OPRM1: variants seen among roughly 807,000 people sequenced by gnomAD.
OPRM1 encodes opioid receptor mu 1.
OPRM1 carries 27 observed loss-of-function variants against 31.8 expected under a neutral mutation model. That is an observed-to-expected ratio of 0.85 (90% CI 0.63 to 1.17). The LOEUF is 1.17. OPRM1 is among the 50% of genes most tolerant of loss of function. The pLI, the probability that OPRM1 is intolerant of heterozygous loss-of-function variation, is 0.00. For missense variants in OPRM1, 536 were observed against 511.1 expected (o/e 1.05, Z -0.47); for synonymous variants, 196 against 189.9 (o/e 1.03, Z -0.26).
chr6:154,153,067 T>G (rs1798585326), intron 3 of OPRM1, among the ~76,000 whole-genome samples: 1 of 152,214 alleles, frequency 6.6e-6, no homozygotes. Context: ...AGAAATTTCT[T>G]GCTTTTCCCC....
At chr6:154,018,658 TCTC>T (rs1437044099) in intron 1 of OPRM1, among the ~76,000 whole-genome samples, 21 of 152,006 alleles carry the variant, frequency 1.4e-4, no homozygotes, top group African/African-American at 5.1e-4. Flanking sequence ...ACAATGTCAT[TCTC>T]CTATCCAAAC....
intron 3 of OPRM1, among the ~76,000 whole-genome samples, chr6:154,208,365 G>A (rs1777676314): frequency 6.6e-6 from 1 of 152,104 alleles, no homozygotes; most frequent in African/African-American, 2.4e-5. Context: ...ACCTTTCAAG[G>A]TTTCGCTCAG....
intron 3 of OPRM1, among the ~76,000 whole-genome samples, chr6:154,245,972 A>T (rs1288119883): frequency 6.6e-6 from 1 of 152,234 alleles, no homozygotes. Context: ...AAACTAGGCA[A>T]CTATCTTTTC....
intron 3 of OPRM1, among the ~76,000 whole-genome samples, chr6:154,152,187 G>GAA (rs1798518789): frequency 2.5e-5 from 3 of 118,282 alleles, no homozygotes; most frequent in African/African-American, 9.5e-5. Context: ...AAAAAAGAAA[G>GAA]AGAGAGAGAG....
chr6:154,107,315 A>G, intron 3 of OPRM1: 1 of 611,458 alleles, frequency 1.6e-6, no homozygotes, highest in Non-Finnish European at 2.9e-6. Flanking sequence ...AGAATTTCTT[A>G]TGCCAAAAGG....
intron 3 of OPRM1, among the ~76,000 whole-genome samples, chr6:154,145,258 T>C (rs1172192212): frequency 3.3e-5 from 5 of 151,992 alleles, no homozygotes; most frequent in Non-Finnish European, 5.9e-5. Context: ...TCAGAAATCT[T>C]AAAAGAAAAA....
In OPRM1 at chr6:154,090,163, A is replaced by T. The variant is rs370533711; in HGVS notation, c.628A>T (p.Thr210Ser). The T allele has an allele frequency of 1.2e-6, 2 of 1,611,662 alleles. No homozygotes were observed. Among genetic ancestry groups the T allele is most frequent in the Non-Finnish European group, 1.7e-6 (2 of 1,178,306 alleles). Residue 210 changes from threonine to serine, a missense_variant, in exon 2 of 4, where the codon ACA (threonine) becomes TCA (serine). Coordinates refer to ENST00000330432, the MANE Select transcript of OPRM1 (RefSeq NM_000914.5). ...TCTTCCTGTAATGTTCATGGCTACA[A>T]CAAAATACAGGCAAGGTGAGTGATG... ...IGLPVMFMAT[T>S]KYRQGSIDCT...
chr6:154,081,311 T>C (rs933430156), intron 1 of OPRM1, among the ~76,000 whole-genome samples: 1 of 152,008 alleles, frequency 6.6e-6, no homozygotes, highest in Non-Finnish European at 1.5e-5. Context: ...AGACCATCCT[T>C]GCTAACACAG....
chr6:154,091,949 T>C (rs1792350132), intron 3 of OPRM1: 1 of 986,288 alleles, frequency 1.0e-6, no homozygotes, highest in African/African-American at 1.7e-5. Flanking sequence ...CACAGAAAAT[T>C]AGCATCATGG....
chr6:154,073,289 G>A (rs907794731), intron 1 of OPRM1, among the ~76,000 whole-genome samples: 4 of 152,106 alleles, frequency 2.6e-5, no homozygotes, highest in African/African-American at 9.7e-5. Context: ...ATATCTTCCA[G>A]GCTAGACATA....
At chr6:154,206,511 T>C (rs1275180690) in intron 3 of OPRM1, among the ~76,000 whole-genome samples, 1 of 152,172 alleles carries the variant, frequency 6.6e-6, no homozygotes, top group Non-Finnish European at 1.5e-5. Context: ...TGAAAAGATA[T>C]TGGGCACTGG....
At position 154,107,799 on chromosome 6, in the gene OPRM1, G is replaced by A. The variant is rs775572452; in HGVS notation, c.1165-10884G>A. The A allele has an allele frequency of 4.2e-6, 3 of 718,334 alleles. No individual in the cohort carries two copies. The South Asian group carries it at 4.4e-5, about 11-fold the overall frequency. The allele number at this position is 718,334 out of a possible 1,614,324, so 44.5% of individuals were successfully genotyped here. On this transcript the variant is annotated intron_variant, in intron 3 of 3. Coordinates refer to ENST00000330432, the MANE Select transcript of OPRM1 (RefSeq NM_000914.5). ...CCAACTTGCCGGGTCGTCTTGAAAA[G>A]GGGGCTTACAGGTGTTCCAAGCCCG...
chr6:154,216,867 C>CA (rs766319987), intron 3 of OPRM1: 3 of 151,846 alleles, frequency 2.0e-5, no homozygotes, highest in Admixed American at 6.6e-5. Flanking sequence ...GACTCTGTCT[C>CA]AAAAAAAACA....
rs78085328 is a variant in OPRM1, at chr6:154,127,353, G to A, written c.*8632G>A. Among the ~76,000 whole-genome samples the A allele has an allele frequency of 0.012, 1,879 of 152,250 alleles. 38 individuals carry two copies. The highest frequency in any genetic ancestry group is 0.043 in the African/African-American group (1,802 of 41,544). On this transcript the variant is annotated 3_prime_UTR_variant, in exon 4 of 4. Coordinates refer to ENST00000330432, the MANE Select transcript of OPRM1 (RefSeq NM_000914.5). ...GAATTTGAATAAAATGACCAGTTAG[G>A]TGTTTTCAGAAACACCTATGCCCTA...
chr6:154,205,327 G>C (rs1751898689), intron 3 of OPRM1, among the ~76,000 whole-genome samples: 1 of 152,108 alleles, frequency 6.6e-6, no homozygotes, highest in Non-Finnish European at 1.5e-5. Context: ...AGATGTGGAG[G>C]CTCATGCCTG....
At position 154,090,161 on chromosome 6, in the gene OPRM1, C is replaced by A. The variant is rs755756395; in HGVS notation, c.626C>A (p.Thr209Lys). 3 of 1,611,296 alleles carry A rather than the reference C, an allele frequency of 1.9e-6. No homozygotes were observed. In the South Asian group the frequency reaches 3.3e-5, roughly 18 times the overall value. ...AIGLPVMFMA[T>K]TKYRQGSIDC... is the part of the protein sequence containing the mutation. ...GGTCTTCCTGTAATGTTCATGGCTA[C>A]AACAAAATACAGGCAAGGTGAGTGA... is the stretch of plus-strand genomic sequence containing the variant. Residue 209 changes from threonine to lysine, a missense_variant, in exon 2 of 4, where the codon ACA becomes AAA. By Grantham distance (78) the Thr-to-Lys change is moderately conservative. Transcript: ENST00000330432.
intron 1 of OPRM1, among the ~76,000 whole-genome samples, chr6:154,045,459 A>C (rs1168477248): frequency 6.6e-6 from 1 of 152,176 alleles, no homozygotes; most frequent in Admixed American, 6.5e-5. Context: ...AACTGTCCAG[A>C]TGTAACCACA....
chr6:154,155,380 A>G (rs1464522809), intron 3 of OPRM1: 3 of 152,246 alleles, frequency 2.0e-5, no homozygotes, highest in African/African-American at 7.2e-5. Context: ...TAAATTGGAA[A>G]ACCACAATTG....
At chr6:154,146,152 C>T (rs190367598) in intron 3 of OPRM1, among the ~76,000 whole-genome samples, 6 of 152,344 alleles carry the variant, frequency 3.9e-5, no homozygotes, top group Non-Finnish European at 5.9e-5. Context: ...GTAATCCCAA[C>T]ACTTCGGGAG....
Sources: gnomAD v4.1 joint callset for allele counts (sites outside exome capture counted in the v4.1 genomes callset) on GRCh38, gnomAD v4.1.1 for gene constraint, MANE v1.5 for transcripts, NCBI Gene and HGNC (gene_info 2026-07-23, HGNC 2026-07-21) for gene names.